The following PPP2R2C variants were observed in gnomAD, a reference collection of about 807,000 sequenced individuals.
PPP2R2C encodes the protein protein phosphatase 2 regulatory subunit Bgamma, also known as protein phosphatase 2, regulatory subunit B, gamma.
PPP2R2C carries 10 observed loss-of-function variants against 45.3 expected under a neutral mutation model. The observed-to-expected ratio is 0.22, with a 90% confidence interval of 0.14 to 0.37. The LOEUF is 0.37. Among genes scored for constraint, PPP2R2C ranks in the 10% least tolerant of loss-of-function variants. The pLI is 1.00. For synonymous variants in PPP2R2C, 257 were observed against 245.4 expected (o/e 1.05, Z -0.44); for missense variants, 308 against 619.7 (o/e 0.50, Z 5.34).
At chr4:6,348,969 T>G in intron 5 of PPP2R2C, 1 of 970,304 alleles carries the variant, frequency 1.0e-6, no homozygotes, top group Non-Finnish European at 1.2e-6. Flanking sequence ...TCGTCCGGGG[T>G]GGCCCAGGTG....
rs867075433 is a variant in PPP2R2C at position 6,560,513 on chromosome 4, G to A, written c.-59+3047C>T. Among the ~76,000 whole-genome samples, 8 of 152,206 alleles carry A rather than the reference G, an allele frequency of 5.3e-5. No individual in the cohort carries two copies. The South Asian group carries it at 6.2e-4, about 12-fold the overall frequency. On this transcript the variant is annotated intron_variant, in intron 1 of 9. Coordinates refer to the PPP2R2C transcript ENST00000506140. ...TAATCTCTCTGTGCCTCAGTAAAAC[G>A]GAGCCAACAAGAGCACCCATTTCAC...
At chr4:6,449,133 T>A (rs996916979) in intron 1 of PPP2R2C, among the ~76,000 whole-genome samples, 21 of 152,280 alleles carry the variant, frequency 1.4e-4, no homozygotes, top group Admixed American at 1.2e-3. Context: ...CAAGTCCACG[T>A]AGAAGGCCCC....
intron 1 of PPP2R2C, among the ~76,000 whole-genome samples, chr4:6,426,161 A>G (rs1719286225): frequency 6.6e-6 from 1 of 152,220 alleles, no homozygotes; most frequent in Admixed American, 6.5e-5. Context: ...CCCTCTGCCC[A>G]GCCTTGGGGT....
At chr4:6,349,593 C>T in intron 5 of PPP2R2C, 1 of 985,364 alleles carries the variant, frequency 1.0e-6, no homozygotes. Flanking sequence ...GTAATCCCAG[C>T]ACTTTGGGAG....
chr4:6,414,277 G>C (rs1446630338), intron 1 of PPP2R2C, among the ~76,000 whole-genome samples: 1 of 152,158 alleles, frequency 6.6e-6, no homozygotes, highest in East Asian at 1.9e-4. Flanking sequence ...GCAGCACCCT[G>C]CATTACTTCC....
At chr4:6,410,876 T>C (rs1718139153) in intron 1 of PPP2R2C, among the ~76,000 whole-genome samples, 1 of 148,688 alleles carries the variant, frequency 6.7e-6, no homozygotes, top group South Asian at 2.1e-4. Context: ...TTTATTTATT[T>C]ATTTATTTAT....
chr4:6,453,832 T>C (rs1720873492), intron 1 of PPP2R2C, among the ~76,000 whole-genome samples: 1 of 152,060 alleles, frequency 6.6e-6, no homozygotes, highest in South Asian at 2.1e-4. Context: ...GAGGGCCACG[T>C]TGGCTGATGT....
At chr4:6,335,483 G>T (rs192142283) in intron 6 of PPP2R2C, among the ~76,000 whole-genome samples, 1 of 152,154 alleles carries the variant, frequency 6.6e-6, no homozygotes, top group Non-Finnish European at 1.5e-5. Flanking sequence ...AGGGGGAACA[G>T]GGACGCAAGG....
At chr4:6,340,387 G>A (rs958652619) in intron 6 of PPP2R2C, among the ~76,000 whole-genome samples, 45 of 39,646 alleles carry the variant, frequency 1.1e-3, no homozygotes, top group Admixed American at 3.4e-3. Flanking sequence ...CAATGCATCA[G>A]AGGGCTCCTG....
intron 2 of PPP2R2C, among the ~76,000 whole-genome samples, chr4:6,505,690 C>G (rs11733883): frequency 0.45 from 68,853 of 152,064 alleles, 16,732 homozygotes; most frequent in East Asian, 0.78. Flanking sequence ...ATAAGGCCAG[C>G]TGTGGTGGCT....
At chr4:6,446,433 G>A (rs1291830669) in intron 1 of PPP2R2C, among the ~76,000 whole-genome samples, 2 of 152,090 alleles carry the variant, frequency 1.3e-5, no homozygotes, top group African/African-American at 4.8e-5. Flanking sequence ...AGGCCACGGG[G>A]GGAACAGACG....
intron 6 of PPP2R2C, among the ~76,000 whole-genome samples, chr4:6,336,998 G>GT (rs1732994940): frequency 9.3e-6 from 1 of 107,126 alleles, no homozygotes; most frequent in East Asian, 2.9e-4. Flanking sequence ...AATCTCCCTG[G>GT]GAGTCACCTT....
chr4:6,496,895 A>AAATAAATAAAGT (rs1722898067), intron 2 of PPP2R2C, among the ~76,000 whole-genome samples: 1 of 151,570 alleles, frequency 6.6e-6, no homozygotes, highest in African/African-American at 2.4e-5. Flanking sequence ...ATAAATAAAT[A>AAATAAATAAAGT]AATAAAGTCT....
chr4:6,559,827 A>T (rs967613763), intron 1 of PPP2R2C, among the ~76,000 whole-genome samples: 3 of 152,196 alleles, frequency 2.0e-5, no homozygotes, highest in African/African-American at 7.2e-5. Context: ...AGCCTCCAGA[A>T]CGGTGAGAAA....
Position 6,333,737 on chromosome 4 carries a change from GAGAC to G in PPP2R2C, c.791-10_791-7del. ...GTCCTCAGGCTCTTCAAAGACTGTG[GAGAC>G]AGAGAAGCAATGGCCGTCACTGCGC... On this transcript the variant is annotated splice_polypyrimidine_tract_variant and splice_region_variant and intron_variant, in intron 6 of 8. Transcript: ENST00000382599. 6.2e-7 allele frequency: 1 copy of G among 1,614,040 alleles called. No individual in the cohort carries two copies. Among genetic ancestry groups the G allele is most frequent in the African/African-American group, 1.3e-5 (1 of 75,032 alleles).
rs541269863 is a variant in PPP2R2C at position 6,324,431 on chromosome 4, C to T, written c.1053-838G>A. 8.7e-6 allele frequency among the ~76,000 whole-genome samples: 1 copy of T among 115,530 alleles called. No individual in the cohort carries two copies. Among genetic ancestry groups the T allele is most frequent in the South Asian group, 3.8e-4 (1 of 2,656 alleles). The allele number at this position is 115,530 out of a possible 152,430, so 75.8% of individuals were successfully genotyped here. On this transcript the variant is annotated intron_variant, in intron 8 of 8. Coordinates refer to ENST00000382599, the MANE Select transcript of PPP2R2C (RefSeq NM_020416.4). The surrounding 1 kb of genome is among the most constrained non-coding windows in gnomAD (Gnocchi z 4.1). Reference sequence around the variant, plus strand: ...GGGCAATAAGAGCAAAACTCCGTCTCGAAAAAAGAAAAGAAAAGAAAAGAA... The same window carrying T: ...GGGCAATAAGAGCAAAACTCCGTCTTGAAAAAAGAAAAGAAAAGAAAAGAA...
chr4:6,511,852 G>T (rs868498591), intron 2 of PPP2R2C, among the ~76,000 whole-genome samples: 1 of 43,976 alleles, frequency 2.3e-5, no homozygotes, highest in Non-Finnish European at 5.1e-5. Context: ...GGTGGTGGTG[G>T]TGGTGGTGGT....
chr4:6,328,975 C>G lies in PPP2R2C; in HGVS notation c.1052+287G>C, dbSNP rs568227403. Among the ~76,000 whole-genome samples, 1 of 152,208 alleles carries G rather than the reference C, an allele frequency of 6.6e-6. No homozygotes were observed. Among genetic ancestry groups the G allele is most frequent in the African/African-American group, 2.4e-5 (1 of 41,452 alleles). On this transcript the variant is annotated intron_variant, in intron 8 of 8. Transcript: ENST00000382599. The surrounding 1 kb of genome is among the most constrained non-coding windows in gnomAD (Gnocchi z 4.4). The stretch of plus-strand genomic sequence containing the variant: ...AAGCTGGGAGAGGGGAGCACATCAC[C>G]GGGGACCCTGAATTAACTAAACATG...
intron 1 of PPP2R2C, among the ~76,000 whole-genome samples, chr4:6,465,244 G>A (rs1215000277): frequency 6.6e-6 from 1 of 152,132 alleles, no homozygotes; most frequent in African/African-American, 2.4e-5. Flanking sequence ...GGGAGAGGTA[G>A]GTCTAACTTC....
Sources: gnomAD v4.1 joint callset for allele counts (sites outside exome capture counted in the v4.1 genomes callset) on GRCh38, gnomAD v4.1.1 for gene constraint, Gnocchi (gnomAD v3.1) non-coding constraint, MANE v1.5 for transcripts, NCBI Gene and HGNC (gene_info 2026-07-23, HGNC 2026-07-21) for gene names.